STX8: variants seen among roughly 807,000 people sequenced by gnomAD.
STX8 encodes syntaxin-8.
STX8 carries 23 observed loss-of-function variants against 37.5 expected under a neutral mutation model. That is an observed-to-expected ratio of 0.61 (90% CI 0.44 to 0.87). STX8 has a LOEUF of 0.87. Among genes scored for constraint, STX8 ranks in the 40% least tolerant of loss-of-function variants. STX8 has a pLI of 0.00. For synonymous variants in STX8, 115 were observed against 99.1 expected (o/e 1.16, Z -0.95); for missense variants, 313 against 284.7 (o/e 1.10, Z -0.71).
chr17:9,566,013 GAAC>G lies in STX8; in HGVS notation c.117+2355_117+2357del, dbSNP rs1288141232. Among the ~76,000 whole-genome samples, 4 of 152,270 alleles carry G rather than the reference GAAC, an allele frequency of 2.6e-5. No individual in the cohort carries two copies. In the East Asian group the frequency reaches 7.7e-4, roughly 29 times the overall value. On this transcript the variant is annotated intron_variant, in intron 2 of 7. Coordinates refer to ENST00000306357, the MANE Select transcript of STX8 (RefSeq NM_004853.3). ...CAGAAAAGGAAACTATCCACAGAGT[GAAC>G]AAACAACCTACACATTGTGAGAAAA...
intron 7 of STX8, among the ~76,000 whole-genome samples, chr17:9,253,242 G>A (rs1906658447): frequency 6.6e-6 from 1 of 151,406 alleles, no homozygotes. Context: ...GTGTGTGTGT[G>A]TGAATATCTT....
chr17:9,338,473 C>T (rs1038325111), intron 7 of STX8, among the ~76,000 whole-genome samples: 6 of 152,102 alleles, frequency 3.9e-5, no homozygotes, highest in African/African-American at 1.4e-4. Flanking sequence ...AAGAGTCCAC[C>T]CATTTTGTCT....
intron 5 of STX8, among the ~76,000 whole-genome samples, chr17:9,495,401 A>C (rs1272535511): frequency 2.0e-5 from 3 of 152,166 alleles, no homozygotes; most frequent in Non-Finnish European, 4.4e-5. Context: ...TATATATAGG[A>C]CTGAGGGTTG....
intron 4 of STX8, among the ~76,000 whole-genome samples, chr17:9,530,203 C>T (rs908145916): frequency 1.3e-5 from 2 of 150,362 alleles, no homozygotes; most frequent in African/African-American, 4.9e-5. Flanking sequence ...CCCAGCAACT[C>T]GGGAGGCTGA....
intron 7 of STX8, among the ~76,000 whole-genome samples, chr17:9,336,488 T>A (rs1910145028): frequency 6.6e-6 from 1 of 151,852 alleles, no homozygotes; most frequent in Admixed American, 6.6e-5. Context: ...CAGGCTGGAG[T>A]GCAGTGGCAC....
intron 6 of STX8, among the ~76,000 whole-genome samples, chr17:9,418,117 GAAGT>G (rs1020259738): frequency 2.2e-4 from 34 of 152,334 alleles, no homozygotes; most frequent in Admixed American, 1.4e-3. Context: ...GCTGGTATCT[GAAGT>G]AAGGGCAGCC....
Position 9,504,973 on chromosome 17 carries a change from CAA to C in STX8, c.448+63_448+64del, listed in dbSNP as rs60041570. ...TAGGCGACATAGCAAGACTCCGTCT[CAA>C]AAAAAAAAAAAAAAAAATTCTGGCA... On this transcript the variant is annotated intron_variant, in intron 5 of 7. Coordinates refer to ENST00000306357, the MANE Select transcript of STX8 (RefSeq NM_004853.3). 286 of 710,318 alleles carry C rather than the reference CAA, an allele frequency of 4.0e-4. 1 individual carries two copies. The highest frequency in any genetic ancestry group is 2.8e-3 in the South Asian group (113 of 40,706). The allele number at this position is 710,318 out of a possible 1,614,324, so 44.0% of individuals were successfully genotyped here.
At chr17:9,377,658 C>T (rs1023615674) in intron 7 of STX8, among the ~76,000 whole-genome samples, 3 of 152,188 alleles carry the variant, frequency 2.0e-5, no homozygotes, top group Non-Finnish European at 4.4e-5. Flanking sequence ...GACAGGGTCT[C>T]GCCATGTTGC....
Position 9,507,173 on chromosome 17 carries a change from G to A in STX8, c.324-2011C>T, listed in dbSNP as rs928318752. On this transcript the variant is annotated intron_variant, in intron 4 of 7. Transcript: ENST00000306357. The surrounding 1 kb of genome is among the most constrained non-coding windows in gnomAD (Gnocchi z 4.0). The stretch of plus-strand genomic sequence containing the variant: ...TGCATCCCGGATCTATGAAACAGTC[G>A]GGCAGTGCAGCCCCCTACAGACATG... 2.0e-5 allele frequency among the ~76,000 whole-genome samples: 3 copies of A among 151,964 alleles called. No homozygotes were observed. Among genetic ancestry groups the A allele is most frequent in the African/African-American group, 7.3e-5 (3 of 41,356 alleles).
At chr17:9,549,641 T>A (rs1906683830) in intron 3 of STX8, among the ~76,000 whole-genome samples, 1 of 152,138 alleles carries the variant, frequency 6.6e-6, no homozygotes, top group South Asian at 2.1e-4. Flanking sequence ...ACTCTGTAAA[T>A]CTGGAAAACA....
intron 7 of STX8, among the ~76,000 whole-genome samples, chr17:9,314,870 G>A (rs549914688): frequency 1.4e-4 from 21 of 150,540 alleles, no homozygotes; most frequent in African/African-American, 4.9e-4. Context: ...TTGGGAGGCC[G>A]AGGCGGGCAG....
chr17:9,320,204 G>A (rs576168092), intron 7 of STX8, among the ~76,000 whole-genome samples: 47 of 150,860 alleles, frequency 3.1e-4, no homozygotes, highest in African/African-American at 1.1e-3. Flanking sequence ...ATGGTGGCAC[G>A]CACCTGTAAT....
rs193245202 is a variant in STX8 at position 9,457,360 on chromosome 17, T to C, written c.541+34469A>G. On this transcript the variant is annotated intron_variant, in intron 6 of 7. Transcript: ENST00000306357. The stretch of plus-strand genomic sequence containing the variant: ...CTAGGGGCTGCCCACACTCCTTGGC[T>C]TGTGGCCCCTTCTATCTTCTAAGCC... 1.8e-3 allele frequency among the ~76,000 whole-genome samples: 267 copies of C among 152,344 alleles called. 2 individuals are homozygous for C. The highest frequency in any genetic ancestry group is 5.7e-3 in the African/African-American group (235 of 41,586).
At chr17:9,490,856 T>C (rs1906824183) in intron 6 of STX8, among the ~76,000 whole-genome samples, 1 of 152,168 alleles carries the variant, frequency 6.6e-6, no homozygotes, top group South Asian at 2.1e-4. Flanking sequence ...ATAAGCGATG[T>C]GGTCTCAGGG....
chr17:9,376,088 G>T (rs548370097), intron 7 of STX8, among the ~76,000 whole-genome samples: 1 of 152,284 alleles, frequency 6.6e-6, no homozygotes, highest in Admixed American at 6.5e-5. Context: ...CCCAGATTAA[G>T]AGAGAGGTGG....
chr17:9,483,728 T>C (rs2142459377), intron 6 of STX8, among the ~76,000 whole-genome samples: 1 of 152,274 alleles, frequency 6.6e-6, no homozygotes, highest in Non-Finnish European at 1.5e-5. Context: ...GCTGGTCTCC[T>C]CAATTCCAGG....
chr17:9,296,952 T>C (rs903044987), intron 7 of STX8, among the ~76,000 whole-genome samples: 4 of 152,142 alleles, frequency 2.6e-5, no homozygotes, highest in African/African-American at 7.2e-5. Context: ...GTATAATACA[T>C]ATACAGAAAA....
intron 5 of STX8, among the ~76,000 whole-genome samples, chr17:9,502,809 G>A (rs57673252): frequency 0.19 from 29,238 of 152,018 alleles, 3,592 homozygotes; most frequent in Middle Eastern, 0.33. Flanking sequence ...TATAATATAA[G>A]AGTGAAATGC....
chr17:9,407,354 G>A (rs1266786140), intron 6 of STX8, among the ~76,000 whole-genome samples: 1 of 152,098 alleles, frequency 6.6e-6, no homozygotes, highest in East Asian at 1.9e-4. Context: ...ACAAAGAATA[G>A]GAGGGAGATA....
Sources: allele counts gnomAD v4.1 joint callset (sites outside exome capture counted in the v4.1 genomes callset), GRCh38; gene constraint gnomAD v4.1.1; non-coding constraint Gnocchi (gnomAD v3.1); transcripts MANE v1.5; gene names NCBI Gene and HGNC (gene_info 2026-07-23, HGNC 2026-07-21).